BMPER: variants seen among roughly 807,000 people sequenced by gnomAD.
The protein encoded by BMPER is BMP binding endothelial regulator, also known as BMP-binding endothelial regulator protein.
Under a neutral mutation model 87.3 loss-of-function variants are expected in BMPER, and 45 were observed. That is an observed-to-expected ratio of 0.52 (90% confidence interval 0.41 to 0.66). The LOEUF (loss-of-function observed/expected upper bound fraction) is 0.66, where lower values mean the gene tolerates loss of function less well. Among genes scored for constraint, BMPER ranks in the 30% least tolerant of loss-of-function variants. The pLI, the probability that BMPER is intolerant of heterozygous loss-of-function variation, is 0.00. For synonymous variants in BMPER, 326 were observed against 316.2 expected (o/e 1.03, Z -0.33); for missense variants, 784 against 867.5 (o/e 0.90, Z 1.21).
At chr7:34,061,656 T>A (rs978926129) in intron 10 of BMPER, among the ~76,000 whole-genome samples, 1 of 152,204 alleles carries the variant, frequency 6.6e-6, no homozygotes, top group Non-Finnish European at 1.5e-5. Flanking sequence ...GTGCCCTTGG[T>A]CTCTAAAGGG....
At chr7:34,044,229 TTACTTCAG>T (rs147822240) in intron 6 of BMPER, among the ~76,000 whole-genome samples, 24 of 152,330 alleles carry the variant, frequency 1.6e-4, no homozygotes, top group Non-Finnish European at 2.9e-4. Flanking sequence ...GTAAGGAAAA[TTACTTCAG>T]TACACATAAT....
intron 6 of BMPER, among the ~76,000 whole-genome samples, chr7:34,025,547 G>A (rs1301985545): frequency 6.6e-6 from 1 of 151,934 alleles, no homozygotes; most frequent in East Asian, 1.9e-4. Context: ...GCAAGAAGGA[G>A]GATCTACCCT....
Position 34,031,970 on chromosome 7 carries a change from A to G in BMPER, c.577-14336A>G, listed in dbSNP as rs529889116. On this transcript the variant is annotated intron_variant, in intron 6 of 14. Transcript: ENST00000649409. ...TATATATACACACACACATATATATAAATATATCTTATATATAAATATATA... is the reference window on the plus strand; with the variant it reads ...TATATATACACACACACATATATATGAATATATCTTATATATAAATATATA... 7.1e-4 allele frequency among the ~76,000 whole-genome samples: 96 copies of G among 134,782 alleles called. 1 individual carries two copies. Among genetic ancestry groups the G allele is most frequent in the Middle Eastern group, 3.9e-3 (1 of 254 alleles). 88.4% of individuals were successfully genotyped at this position (134,782 alleles called of 152,430 possible). A position where few individuals can be genotyped will look rare whatever the true frequency, so the allele number is the denominator to read the frequency against.
intron 10 of BMPER, among the ~76,000 whole-genome samples, chr7:34,061,032 A>C (rs1043553420): frequency 6.6e-6 from 1 of 152,216 alleles, no homozygotes; most frequent in African/African-American, 2.4e-5. Context: ...ACCTATAAAA[A>C]GGGAAATACT....
chr7:33,978,566 C>T (rs145336667), intron 6 of BMPER, among the ~76,000 whole-genome samples: 182 of 152,220 alleles, frequency 1.2e-3, no homozygotes, highest in Non-Finnish European at 2.2e-3. Context: ...GGGCTGCTCC[C>T]GGGAGGTCTT....
At chr7:34,082,325 T>G (rs944939101) in intron 12 of BMPER, among the ~76,000 whole-genome samples, 1 of 105,304 alleles carries the variant, frequency 9.5e-6, no homozygotes, top group Non-Finnish European at 1.9e-5. Flanking sequence ...TTACAACTTA[T>G]TAGTTTTTTT....
rs534889836 is a variant in BMPER at position 33,933,579 on chromosome 7, C to T, written c.220-3710C>T. 2.0e-3 allele frequency among the ~76,000 whole-genome samples: 300 copies of T among 152,004 alleles called. 1 individual carries two copies. The highest frequency in any genetic ancestry group is 3.2e-3 in the Non-Finnish European group (215 of 67,998). On this transcript the variant is annotated intron_variant, in intron 2 of 14. Transcript: ENST00000649409. ...AAAGTGTTTGAGGATGCCAGTCTGGCTTTCAGAGGCATGATAGGCACATCT... is the reference window on the plus strand; with the variant it reads ...AAAGTGTTTGAGGATGCCAGTCTGGTTTTCAGAGGCATGATAGGCACATCT...
chr7:33,942,791 G>A (rs1784800069), intron 3 of BMPER, among the ~76,000 whole-genome samples: 1 of 152,152 alleles, frequency 6.6e-6, no homozygotes. Context: ...ACCCTTTGCT[G>A]TCTTCCTATT....
At chr7:34,028,520 G>A (rs910217867) in intron 6 of BMPER, among the ~76,000 whole-genome samples, 2 of 142,006 alleles carry the variant, frequency 1.4e-5, no homozygotes, top group African/African-American at 5.2e-5. Flanking sequence ...AAAACCACTA[G>A]TCTAAGCTAT....
chr7:34,092,216 A>C (rs1051806390), intron 13 of BMPER, among the ~76,000 whole-genome samples: 2 of 152,158 alleles, frequency 1.3e-5, no homozygotes, highest in African/African-American at 4.8e-5. Context: ...TGATGCTCCA[A>C]ATGCCGTGAG....
intron 13 of BMPER, among the ~76,000 whole-genome samples, chr7:34,138,831 C>G (rs1790790305): frequency 6.6e-6 from 1 of 152,130 alleles, no homozygotes; most frequent in Non-Finnish European, 1.5e-5. Context: ...AACTCACCAT[C>G]AAACAGAACA....
chr7:34,058,159 C>T lies in BMPER; in HGVS notation c.1028C>T (p.Pro343Leu). The T allele has an allele frequency of 2.5e-6, 4 of 1,613,498 alleles. No individual in the cohort carries two copies. The South Asian group carries it at 4.4e-5, about 18-fold the overall frequency. ...CAGTGCATTCCCATCAGTAGCTGCC[C>T]ACAGGTATGTTTGGAACACAGATTG... ...NKQCIPISSCPQGKILNRKGC... is the reference protein window; with the variant it reads ...NKQCIPISSCLQGKILNRKGC... The change falls in exon 10 of 15, where the codon CCA becomes CTA. Residue 343 changes from proline to leucine, a missense_variant. By Grantham distance (98) the Pro-to-Leu change is moderately conservative. Coordinates refer to ENST00000649409, the MANE Select transcript of BMPER (RefSeq NM_001365308.1).
chr7:34,116,991 G>GAA (rs569776017), intron 13 of BMPER, among the ~76,000 whole-genome samples: 4 of 134,244 alleles, frequency 3.0e-5, no homozygotes, highest in African/African-American at 1.1e-4. Context: ...CCCTGTCTCC[G>GAA]AAAAAAAAAA....
intron 3 of BMPER, among the ~76,000 whole-genome samples, chr7:33,953,732 ACTAT>A (rs1457917316): frequency 2.0e-5 from 3 of 152,278 alleles, no homozygotes; most frequent in African/African-American, 7.2e-5. Context: ...AACCATTACC[ACTAT>A]CTATTTCTAG....
intron 3 of BMPER, among the ~76,000 whole-genome samples, chr7:33,957,381 T>C (rs1337444121): frequency 6.6e-6 from 1 of 150,732 alleles, no homozygotes; most frequent in Non-Finnish European, 1.5e-5. Context: ...ATGATCCCTT[T>C]AATATTCTGG....
chr7:33,930,281 C>A (rs1186331596), intron 2 of BMPER, among the ~76,000 whole-genome samples: 1 of 152,058 alleles, frequency 6.6e-6, no homozygotes, highest in African/African-American at 2.4e-5. Context: ...TGTGGCTGAC[C>A]AAACTGCCTT....
intron 8 of BMPER, among the ~76,000 whole-genome samples, chr7:34,052,349 A>C (rs1026128131): frequency 6.6e-6 from 1 of 152,230 alleles, no homozygotes; most frequent in African/African-American, 2.4e-5. Flanking sequence ...AGAGAAAGGC[A>C]TGGATTTACA....
At chr7:34,030,169 A>G (rs2127950620) in intron 6 of BMPER, among the ~76,000 whole-genome samples, 1 of 152,190 alleles carries the variant, frequency 6.6e-6, no homozygotes, top group Middle Eastern at 3.4e-3. Context: ...GTGGGAAGAC[A>G]AAGGTTTTGG....
In BMPER at chr7:34,122,436, A is replaced by T. The variant is rs1790286628; in HGVS notation, c.1746-20794A>T. On this transcript the variant is annotated intron_variant, in intron 13 of 14. Coordinates refer to ENST00000649409, the MANE Select transcript of BMPER (RefSeq NM_001365308.1). ...GTTTTAGGTAGGGCTGAGGGTCTGC[A>T]TTTCTAACAAGTCTCAGGTGAGGCC... 2.6e-5 allele frequency among the ~76,000 whole-genome samples: 4 copies of T among 152,198 alleles called. No homozygotes were observed. In the South Asian group the frequency reaches 8.3e-4, roughly 32 times the overall value.
Sources: allele counts gnomAD v4.1 joint callset (sites outside exome capture counted in the v4.1 genomes callset), GRCh38; gene constraint gnomAD v4.1.1; transcripts MANE v1.5; gene names NCBI Gene and HGNC (gene_info 2026-07-23, HGNC 2026-07-21).